PIGK: variants seen among roughly 807,000 people sequenced by gnomAD.
PIGK encodes the protein GPI-anchor transamidase.
In PIGK, 42 loss-of-function variants were observed where a neutral mutation model predicts 50.6. The ratio of observed to expected loss-of-function variants is 0.83; its 90% CI spans 0.65 to 1.07. PIGK has a LOEUF of 1.07. Among genes scored for constraint, PIGK ranks in the 50% least tolerant of loss-of-function variants. The pLI is 0.00. For synonymous variants in PIGK, 151 were observed against 156.0 expected, an observed-to-expected ratio of 0.97 and a Z score of 0.24; for missense variants, 448 against 488.7, an observed-to-expected ratio of 0.92 and a Z score of 0.78.
chr1:77,160,277 C>T (rs1219875180), intron 8 of PIGK, among the ~76,000 whole-genome samples: 3 of 152,304 alleles, frequency 2.0e-5, no homozygotes, highest in South Asian at 4.1e-4. Context: ...CATTAATCTT[C>T]TTTTTCTTTA....
At chr1:77,168,006 T>C (rs1655271424) in intron 4 of PIGK, among the ~76,000 whole-genome samples, 1 of 148,030 alleles carries the variant, frequency 6.8e-6, no homozygotes, top group African/African-American at 2.5e-5. Flanking sequence ...GAATTTAAAA[T>C]AAAGGTTGAA....
Position 77,092,295 on chromosome 1 carries a change from A to G in PIGK, c.*79T>C, listed in dbSNP as rs541647972. On this transcript the variant is annotated 3_prime_UTR_variant, in exon 11 of 11. Coordinates refer to ENST00000370812, the MANE Select transcript of PIGK (RefSeq NM_005482.3). ...TATTTCCAATTCATACAAGAGAAAC[A>G]CATTTTTAAAAATATATAATGACAT... The G allele has an allele frequency of 4.6e-6, 3 of 647,182 alleles. No individual in the cohort carries two copies. The South Asian group carries it at 6.6e-5, about 14-fold the overall frequency. The allele number at this position is 647,182 out of a possible 1,614,324, so 40.1% of individuals were successfully genotyped here. A position where few individuals can be genotyped will look rare whatever the true frequency, so the allele number is the denominator to read the frequency against.
Position 77,161,722 on chromosome 1 carries a change from A to C in PIGK, c.585-11T>G, listed in dbSNP as rs1553183331. ...AGTAGCTCATTGTAGCTGAAAGAAA[A>C]ATGATAACATCTTTGACAAGGATCA... On this transcript the variant is annotated splice_polypyrimidine_tract_variant and intron_variant, in intron 6 of 10. Coordinates refer to ENST00000370812, the MANE Select transcript of PIGK (RefSeq NM_005482.3). 8 of 1,031,360 alleles carry C rather than the reference A, an allele frequency of 7.8e-6. No homozygotes were observed. The highest frequency in any genetic ancestry group is 5.2e-5 in the Admixed American group (3 of 58,092). 63.9% of individuals were successfully genotyped at this position (1,031,360 alleles called of 1,614,324 possible).
chr1:77,198,418 T>A (rs1656083024), intron 3 of PIGK, among the ~76,000 whole-genome samples: 1 of 152,018 alleles, frequency 6.6e-6, no homozygotes, highest in Non-Finnish European at 1.5e-5. Context: ...TCCAAATTTT[T>A]TAAATATGAA....
At chr1:77,185,074 T>C (rs1238624203) in intron 3 of PIGK, among the ~76,000 whole-genome samples, 2 of 152,212 alleles carry the variant, frequency 1.3e-5, no homozygotes, top group Admixed American at 1.3e-4. Flanking sequence ...CCGATGTGGT[T>C]TCATTGCTTG....
intron 9 of PIGK, among the ~76,000 whole-genome samples, chr1:77,140,552 A>G (rs1467697904): frequency 6.6e-6 from 1 of 152,156 alleles, no homozygotes; most frequent in Non-Finnish European, 1.5e-5. Context: ...ACAACCTAAT[A>G]CAACATCTAA....
intron 3 of PIGK, chr1:77,195,458 T>A: frequency 1.1e-6 from 1 of 895,254 alleles, no homozygotes; most frequent in Admixed American, 2.5e-5. Context: ...AATAAAATAG[T>A]TTGACTCAGA....
intron 1 of PIGK, among the ~76,000 whole-genome samples, chr1:77,213,434 T>C (rs925746988): frequency 3.9e-5 from 6 of 152,030 alleles, no homozygotes; most frequent in East Asian, 1.9e-4. Flanking sequence ...TGTTCAAATA[T>C]ATGGAAATTA....
At chr1:77,125,276 A>G (rs7538430) in intron 9 of PIGK, among the ~76,000 whole-genome samples, 60,967 of 152,094 alleles carry the variant, frequency 0.4, 14,739 homozygotes, top group African/African-American at 0.66. Context: ...ATTTTCACGG[A>G]AACATTTAAA....
intron 3 of PIGK, among the ~76,000 whole-genome samples, chr1:77,195,838 C>A (rs1311509445): frequency 1.3e-5 from 2 of 151,616 alleles, no homozygotes; most frequent in African/African-American, 4.8e-5. Context: ...CATTTTTTGA[C>A]TTTTATTTTG....
chr1:77,116,344 C>T lies in PIGK; in HGVS notation c.1071+5931G>A, dbSNP rs182945163. On this transcript the variant is annotated intron_variant, in intron 10 of 10. Coordinates refer to ENST00000370812, the MANE Select transcript of PIGK (RefSeq NM_005482.3). ...GACTACAGGCGCCCACCACCACGCC[C>T]GGCTAATTTTTTTTGTGTTTTTAGT... Among the ~76,000 whole-genome samples the T allele has an allele frequency of 3.8e-3, 579 of 152,030 alleles. 3 individuals are homozygous for T. The highest frequency in any genetic ancestry group is 0.013 in the African/African-American group (532 of 41,488).
chr1:77,195,430 C>A, intron 3 of PIGK: 1 of 988,420 alleles, frequency 1.0e-6, no homozygotes, highest in Non-Finnish European at 1.5e-6. Flanking sequence ...TTCCTGTTTC[C>A]ACAGGAATCT....
rs924866395 is a variant in PIGK at position 77,154,112 on chromosome 1, C to T, written c.986+337G>A. The T allele has an allele frequency of 3.0e-5, 11 of 370,112 alleles. No homozygotes were observed. The East Asian group carries it at 4.4e-4, about 15-fold the overall frequency. 22.9% of individuals were successfully genotyped at this position (370,112 alleles called of 1,614,324 possible). ...CTGGTTTACACTTCTCATTCCTTTC[C>T]CTAATGTTACCAGGAGGCCTAACAG... On this transcript the variant is annotated intron_variant, in intron 9 of 10. Coordinates refer to ENST00000370812, the MANE Select transcript of PIGK (RefSeq NM_005482.3).
At chr1:77,213,827 A>C (rs1656483302) in intron 1 of PIGK, among the ~76,000 whole-genome samples, 1 of 152,202 alleles carries the variant, frequency 6.6e-6, no homozygotes, top group African/African-American at 2.4e-5. Context: ...ACCCAAATAA[A>C]TATATTCAGA....
intron 3 of PIGK, among the ~76,000 whole-genome samples, chr1:77,191,228 G>A (rs557779114): frequency 4.6e-5 from 7 of 152,148 alleles, no homozygotes; most frequent in East Asian, 3.8e-4. Flanking sequence ...CTGATCTAGC[G>A]TAACTTTCTT....
At chr1:77,166,095 T>A (rs959751785) in intron 5 of PIGK, among the ~76,000 whole-genome samples, 12 of 152,138 alleles carry the variant, frequency 7.9e-5, no homozygotes, top group African/African-American at 2.2e-4. Context: ...TATTAAGAAC[T>A]AAGACAAACT....
chr1:77,145,453 G>A (rs1302996669), intron 9 of PIGK, among the ~76,000 whole-genome samples: 1 of 151,962 alleles, frequency 6.6e-6, no homozygotes, highest in Non-Finnish European at 1.5e-5. Context: ...CAAATGTAAT[G>A]TTTTAAAAAT....
chr1:77,109,356 C>T (rs1298782771), intron 10 of PIGK, among the ~76,000 whole-genome samples: 2 of 152,124 alleles, frequency 1.3e-5, no homozygotes, highest in African/African-American at 2.4e-5. Flanking sequence ...TGCAAAAATC[C>T]TCAATAAAAT....
At chr1:77,207,912 C>T (rs1656326094) in intron 2 of PIGK, among the ~76,000 whole-genome samples, 1 of 152,002 alleles carries the variant, frequency 6.6e-6, no homozygotes, top group Non-Finnish European at 1.5e-5. Context: ...ATGTAAAATT[C>T]CATATATCAA....
Sources: allele counts gnomAD v4.1 joint callset (sites outside exome capture counted in the v4.1 genomes callset), GRCh38; gene constraint gnomAD v4.1.1; transcripts MANE v1.5; gene names NCBI Gene and HGNC (gene_info 2026-07-23, HGNC 2026-07-21).